The following FAM227A variants were observed in gnomAD, a reference collection of about 807,000 sequenced individuals.
The protein encoded by FAM227A is protein FAM227A.
A neutral mutation model predicts 74.7 loss-of-function variants in FAM227A; 80 were observed. That is an observed-to-expected ratio of 1.07 (90% confidence interval 0.89 to 1.29). The LOEUF is 1.29. Ranked by LOEUF, FAM227A falls within the 50% of genes most tolerant of loss-of-function variation. FAM227A has a pLI of 0.00. For missense variants in FAM227A, 654 were observed against 683.4 expected (o/e 0.96, Z 0.48); for synonymous variants, 237 against 241.8 (o/e 0.98, Z 0.19).
chr22:38,596,902 G>A (rs2091057383), intron 15 of FAM227A, among the ~76,000 whole-genome samples: 1 of 152,046 alleles, frequency 6.6e-6, no homozygotes, highest in Non-Finnish European at 1.5e-5. Context: ...AAAAAAGACT[G>A]GAAGGATTTA....
intron 3 of FAM227A, among the ~76,000 whole-genome samples, chr22:38,641,912 A>G (rs901099863): frequency 4.6e-5 from 7 of 151,876 alleles, no homozygotes; most frequent in African/African-American, 1.7e-4. Context: ...CACAACAGCT[A>G]CTTGCTTAAC....
intron 12 of FAM227A, among the ~76,000 whole-genome samples, chr22:38,606,691 C>A (rs2091291283): frequency 6.6e-6 from 1 of 152,200 alleles, no homozygotes; most frequent in South Asian, 2.1e-4. Flanking sequence ...GCACTGACCT[C>A]TCTGTACTAT....
At position 38,626,913 on chromosome 22, in the gene FAM227A, T is replaced by TAC. The variant is rs1555967138; in HGVS notation, c.727-612_727-611dup. Reference sequence around the variant, plus strand: ...AAAAATATATATATATATATATATATACACGTATATATATTCTATATATAG... The same window carrying TAC: ...AAAAATATATATATATATATATATATACACACGTATATATATTCTATATATAG... On this transcript the variant is annotated intron_variant, in intron 8 of 16. Coordinates refer to ENST00000535113, the MANE Select transcript of FAM227A (RefSeq NM_001013647.2). Among the ~76,000 whole-genome samples, 617 of 89,760 alleles carry TAC rather than the reference T, an allele frequency of 6.9e-3. 22 individuals carry two copies. The highest frequency in any genetic ancestry group is 9.2e-3 in the Non-Finnish European group (437 of 47,270). The allele number at this position is 89,760 out of a possible 152,430, so 58.9% of individuals were successfully genotyped here. A position where few individuals can be genotyped will look rare whatever the true frequency, so the allele number is the denominator to read the frequency against.
rs555823338 is a variant in FAM227A at position 38,588,175 on chromosome 22, T to C, written c.1639-1976A>G. Reference sequence around the variant, plus strand: ...ACAAAATGCCTCCTTTCATGGCTGGTATTCCACTTTGTATCAGAAGCTCTA... The same window carrying C: ...ACAAAATGCCTCCTTTCATGGCTGGCATTCCACTTTGTATCAGAAGCTCTA... On this transcript the variant is annotated intron_variant, in intron 16 of 16. Coordinates refer to ENST00000535113, the MANE Select transcript of FAM227A (RefSeq NM_001013647.2). Among the ~76,000 whole-genome samples, 12 of 152,292 alleles carry C rather than the reference T, an allele frequency of 7.9e-5. No homozygotes were observed. In the East Asian group the frequency reaches 2.1e-3, roughly 27 times the overall value.
intron 6 of FAM227A, among the ~76,000 whole-genome samples, chr22:38,635,338 C>G (rs573970408): frequency 1.7e-4 from 25 of 151,262 alleles, no homozygotes; most frequent in Middle Eastern, 3.4e-3. Context: ...ACAGGTAGAA[C>G]AGACTGAGAT....
chr22:38,643,461 C>T (rs188973009), intron 3 of FAM227A, among the ~76,000 whole-genome samples: 52 of 152,194 alleles, frequency 3.4e-4, no homozygotes, highest in South Asian at 1.4e-3. Context: ...GATACCACTA[C>T]GCAGCAATCA....
chr22:38,602,688 A>T (rs960225978), intron 13 of FAM227A, among the ~76,000 whole-genome samples: 5 of 152,184 alleles, frequency 3.3e-5, no homozygotes, highest in South Asian at 2.1e-4. Context: ...AAAAAAATAA[A>T]TTTTTTTTCA....
chr22:38,644,875 G>A (rs988771143), intron 3 of FAM227A, among the ~76,000 whole-genome samples: 6 of 151,270 alleles, frequency 4.0e-5, no homozygotes, highest in Non-Finnish European at 2.9e-5. Flanking sequence ...ATCACTTGAG[G>A]TGGGGAGTTT....
intron 2 of FAM227A, among the ~76,000 whole-genome samples, chr22:38,646,659 T>TA (rs932815075): frequency 4.7e-5 from 7 of 150,134 alleles, no homozygotes; most frequent in African/African-American, 9.7e-5. Flanking sequence ...TTATTATTAT[T>TA]TTTTTTTTTG....
chr22:38,652,613 G>A (rs372149079), intron 1 of FAM227A, among the ~76,000 whole-genome samples: 1 of 148,794 alleles, frequency 6.7e-6, no homozygotes, highest in African/African-American at 2.5e-5. Context: ...AAGGTCGGGC[G>A]TGGTGGCTTA....
At position 38,583,048 on chromosome 22, in the gene FAM227A, C is replaced by A. The variant is rs1290031820; in HGVS notation, c.*3077G>T. ...GAAAGTGTGGTTCCTAGAGAAACTG[C>A]AAATGAAGAGTTGACAGTGGCTGGG... is the stretch of plus-strand genomic sequence containing the variant. On this transcript the variant is annotated 3_prime_UTR_variant, in exon 17 of 17. Transcript: ENST00000535113. The A allele has an allele frequency of 1.2e-5, 16 of 1,352,314 alleles. No homozygotes were observed. The East Asian group carries it at 1.8e-4, about 15-fold the overall frequency. The allele number at this position is 1,352,314 out of a possible 1,614,324, so 83.8% of individuals were successfully genotyped here. A position where few individuals can be genotyped will look rare whatever the true frequency, so the allele number is the denominator to read the frequency against.
At chr22:38,589,871 C>T (rs143944988) in intron 16 of FAM227A, among the ~76,000 whole-genome samples, 275 of 152,148 alleles carry the variant, frequency 1.8e-3, no homozygotes, top group African/African-American at 6.1e-3. Context: ...GAGGCCAAGG[C>T]GAGAGGACTG....
chr22:38,626,750 T>C (rs2145587913), intron 8 of FAM227A, among the ~76,000 whole-genome samples: 1 of 148,694 alleles, frequency 6.7e-6, no homozygotes, highest in Admixed American at 6.8e-5. Flanking sequence ...GGTGCATGCC[T>C]GTAATCCCAT....
At chr22:38,599,192 C>T (rs144586761) in intron 14 of FAM227A, among the ~76,000 whole-genome samples, 1 of 152,160 alleles carries the variant, frequency 6.6e-6, no homozygotes, top group African/African-American at 2.4e-5. Flanking sequence ...AAACTCCTTA[C>T]CTCAGATGAT....
At chr22:38,631,375 G>A (rs1780512215) in intron 6 of FAM227A, among the ~76,000 whole-genome samples, 2 of 151,952 alleles carry the variant, frequency 1.3e-5, no homozygotes, top group Admixed American at 6.6e-5. Flanking sequence ...AATAGACACG[G>A]GGGACTCTCA....
intron 15 of FAM227A, among the ~76,000 whole-genome samples, chr22:38,596,048 G>A (rs536863341): frequency 1.2e-4 from 19 of 152,202 alleles, no homozygotes; most frequent in African/African-American, 3.9e-4. Context: ...GGCTAGGCAC[G>A]GTGGCTCACG....
intron 2 of FAM227A, 115 bp downstream of exon 2, chr22:38,649,912 G>A (rs2092299640): frequency 2.2e-6 from 2 of 892,176 alleles, no homozygotes; most frequent in South Asian, 1.9e-5. Context: ...GAATGTATAA[G>A]GGACAAGCTA....
At position 38,636,551 on chromosome 22, in the gene FAM227A, T is replaced by C. The variant is rs781690453; in HGVS notation, c.419A>G (p.Asn140Ser). 9 of 1,551,532 alleles carry C rather than the reference T, an allele frequency of 5.8e-6. No homozygotes were observed. The highest frequency in any genetic ancestry group is 1.4e-5 in the African/African-American group (1 of 73,026). Residue 140 changes from asparagine to serine, a missense_variant, in exon 6 of 17, where the codon AAC becomes AGC. Physicochemically the swap from Asn to Ser is conservative, Grantham distance 46. Coordinates refer to ENST00000535113, the MANE Select transcript of FAM227A (RefSeq NM_001013647.2). ...CTTGTTTGGCTTGGAGCTGTTGAAGTTGGAATACTGGTACAGCTCTGCCAG... is the reference window on the plus strand; with the variant it reads ...CTTGTTTGGCTTGGAGCTGTTGAAGCTGGAATACTGGTACAGCTCTGCCAG... ...NLLAELYQYS[N>S]FNSSKPNKLP... is the part of the protein sequence containing the mutation.
intron 3 of FAM227A, among the ~76,000 whole-genome samples, chr22:38,640,103 G>A (rs1478348283): frequency 2.0e-5 from 3 of 151,578 alleles, no homozygotes; most frequent in Non-Finnish European, 2.9e-5. Context: ...GTGCAATCTC[G>A]GCTCACTGCA....
Sources: allele counts gnomAD v4.1 joint callset (sites outside exome capture counted in the v4.1 genomes callset), GRCh38; gene constraint gnomAD v4.1.1; transcripts MANE v1.5; gene names NCBI Gene and HGNC (gene_info 2026-07-23, HGNC 2026-07-21).